Variants in PDE4D observed in about 807,000 individuals in gnomAD.
PDE4D encodes 3',5'-cyclic-AMP phosphodiesterase 4D.
Under a neutral mutation model 87.4 loss-of-function variants are expected in PDE4D, and 24 were observed. The ratio of observed to expected loss-of-function variants is 0.27; its 90% CI spans 0.20 to 0.39. The LOEUF (loss-of-function observed/expected upper bound fraction) is 0.39, where lower values mean the gene tolerates loss of function less well. PDE4D is among the 10% of genes least tolerant of loss of function. The pLI is 1.00. For synonymous variants in PDE4D, 384 were observed against 383.2 expected, an observed-to-expected ratio of 1.00 and a Z score of -0.02; for missense variants, 714 against 1,041.0, an observed-to-expected ratio of 0.69 and a Z score of 4.32.
Position 58,975,744 on chromosome 5 carries a change from G to C in PDE4D, c.1926C>G (p.Phe642Leu). Residue 642 changes from phenylalanine (F) to leucine (L), a missense_variant, in exon 14 of 15, where the codon TTC becomes TTG. Around this residue, in one of 7 missense-constraint regions of PDE4D, gnomAD observed 97 missense variants for 176.9 expected, o/e 0.55. Transcript: ENST00000340635. The surrounding 1 kb of genome is among the most constrained non-coding windows in gnomAD (Gnocchi z 4.2). ...RQWTDRIMEEFFRQGDRERER... is the reference protein window; with the variant it reads ...RQWTDRIMEELFRQGDRERER... ...CCCTCTCTCGGTCTCCTTGGCGGAAGAACTCCTCCATTATCCGGTCCGTCC... is the reference window on the plus strand; with the variant it reads ...CCCTCTCTCGGTCTCCTTGGCGGAACAACTCCTCCATTATCCGGTCCGTCC... 1 of 1,613,350 alleles carries C rather than the reference G, an allele frequency of 6.2e-7. No individual in the cohort carries two copies.
At chr5:59,457,238 G>A (rs371815276) in intron 1 of PDE4D, among the ~76,000 whole-genome samples, 10 of 152,284 alleles carry the variant, frequency 6.6e-5, no homozygotes, top group South Asian at 4.1e-4. Context: ...TTCAGCAACC[G>A]CCACCCTGAT....
At chr5:59,297,782 T>A (rs1440756370) in intron 1 of PDE4D, among the ~76,000 whole-genome samples, 2 of 152,124 alleles carry the variant, frequency 1.3e-5, no homozygotes, top group Non-Finnish European at 1.5e-5. Context: ...GGCTGGATAG[T>A]CAGAGAATGT....
intron 1 of PDE4D, among the ~76,000 whole-genome samples, chr5:59,604,834 T>A (rs2150044327): frequency 6.6e-6 from 1 of 152,152 alleles, no homozygotes; most frequent in South Asian, 2.1e-4. Context: ...AGGAGAGACA[T>A]TTTGGAGTAC....
At chr5:58,984,083 G>C (rs1460591191) in intron 11 of PDE4D, among the ~76,000 whole-genome samples, 1 of 152,070 alleles carries the variant, frequency 6.6e-6, no homozygotes, top group East Asian at 1.9e-4. Context: ...CCTTGAGTTA[G>C]TTAGAAAATG....
intron 3 of PDE4D, among the ~76,000 whole-genome samples, chr5:59,919,570 T>C (rs1754443347): frequency 1.3e-5 from 2 of 152,196 alleles, no homozygotes; most frequent in African/African-American, 4.8e-5. Context: ...CTAAAAGCCA[T>C]ATCTGACATT....
At chr5:59,911,921 A>T (rs1396921436) in intron 3 of PDE4D, among the ~76,000 whole-genome samples, 1 of 152,168 alleles carries the variant, frequency 6.6e-6, no homozygotes, top group Non-Finnish European at 1.5e-5. Context: ...TAAATGGATA[A>T]TTTATTTTTT....
Position 58,972,988 on chromosome 5 carries a change from C to CT in PDE4D, c.*1675dup, listed in dbSNP as rs2153297434. The CT allele has an allele frequency of 6.6e-6, 1 of 152,272 alleles. No individual in the cohort carries two copies. Among genetic ancestry groups the CT allele is most frequent in the South Asian group, 2.1e-4 (1 of 4,826 alleles). The allele number at this position is 152,272 out of a possible 1,614,324, so 9.4% of individuals were successfully genotyped here. ...AAGTAGTTCCCCTCTGCAAGATATG[C>CT]TTATGGATCGAGGATAAGTGATAAA... On this transcript the variant is annotated 3_prime_UTR_variant, in exon 15 of 15. Coordinates refer to ENST00000340635, the MANE Select transcript of PDE4D (RefSeq NM_001104631.2).
At chr5:59,611,846 T>C (rs1281929867) in intron 1 of PDE4D, among the ~76,000 whole-genome samples, 2 of 152,158 alleles carry the variant, frequency 1.3e-5, no homozygotes, top group Admixed American at 1.3e-4. Flanking sequence ...GTTTTGATAA[T>C]ATAGCAGCCA....
intron 2 of PDE4D, among the ~76,000 whole-genome samples, chr5:60,073,350 T>C (rs1379936804): frequency 6.6e-6 from 1 of 152,084 alleles, no homozygotes; most frequent in Non-Finnish European, 1.5e-5. Flanking sequence ...TTGCCTCCCA[T>C]GGGTAAAGCC....
chr5:59,442,931 C>A (rs1167173676), intron 1 of PDE4D, among the ~76,000 whole-genome samples: 1 of 152,130 alleles, frequency 6.6e-6, no homozygotes, highest in East Asian at 1.9e-4. Flanking sequence ...CTCTTTTTAA[C>A]CTTTTCCCAC....
chr5:59,971,414 G>A (rs1276986409), intron 3 of PDE4D, among the ~76,000 whole-genome samples: 2 of 151,034 alleles, frequency 1.3e-5, no homozygotes, highest in Admixed American at 6.6e-5. Flanking sequence ...GGGAAACAGA[G>A]AGGAAGAGAC....
chr5:60,020,558 G>C (rs900430781), intron 2 of PDE4D, among the ~76,000 whole-genome samples: 3 of 152,046 alleles, frequency 2.0e-5, no homozygotes, highest in Non-Finnish European at 4.4e-5. Flanking sequence ...CAGCCTATTG[G>C]TTCTATTTCT....
At chr5:60,103,287 C>A (rs1039745209) in intron 2 of PDE4D, among the ~76,000 whole-genome samples, 1 of 152,166 alleles carries the variant, frequency 6.6e-6, no homozygotes, top group Non-Finnish European at 1.5e-5. Flanking sequence ...GGGCTCCTCT[C>A]TGCTTTTGGG....
chr5:59,877,653 C>T (rs1748808631), intron 1 of PDE4D, among the ~76,000 whole-genome samples: 1 of 151,442 alleles, frequency 6.6e-6, no homozygotes, highest in Non-Finnish European at 1.5e-5. Context: ...TTCATCTCCA[C>T]AAAAAAATAC....
At chr5:59,879,750 T>G (rs1228767036) in intron 1 of PDE4D, among the ~76,000 whole-genome samples, 1 of 152,212 alleles carries the variant, frequency 6.6e-6, no homozygotes, top group Non-Finnish European at 1.5e-5. Context: ...GTTTTTTTGT[T>G]GTTTTTTGAG....
At chr5:59,607,947 G>C (rs1212151378) in intron 1 of PDE4D, among the ~76,000 whole-genome samples, 1 of 152,100 alleles carries the variant, frequency 6.6e-6, no homozygotes, top group Non-Finnish European at 1.5e-5. Context: ...AGGTAGGGAA[G>C]AGTGCCTAGT....
At chr5:59,271,081 C>T (rs1763741049) in intron 1 of PDE4D, among the ~76,000 whole-genome samples, 1 of 151,170 alleles carries the variant, frequency 6.6e-6, no homozygotes, top group Non-Finnish European at 1.5e-5. Context: ...GCTCTGTCAC[C>T]CAGGCTGGAG....
upstream of PDE4D, among the ~76,000 whole-genome samples, chr5:59,896,830 C>A (rs568427127): frequency 6.6e-6 from 1 of 152,262 alleles, no homozygotes; most frequent in African/African-American, 2.4e-5. Flanking sequence ...TCTTATACTG[C>A]TGAATATTGA....
At chr5:59,875,301 A>G (rs1451266542) in intron 1 of PDE4D, among the ~76,000 whole-genome samples, 15 of 151,732 alleles carry the variant, frequency 9.9e-5, no homozygotes, top group Non-Finnish European at 1.5e-5. Flanking sequence ...CTCTACTAGA[A>G]ATAACAAAAA....
Sources: gnomAD v4.1 joint callset for allele counts (sites outside exome capture counted in the v4.1 genomes callset) on GRCh38, gnomAD v4.1.1 for gene constraint, gnomAD v4.1.1 regional missense constraint, Gnocchi (gnomAD v3.1) non-coding constraint, MANE v1.5 for transcripts, NCBI Gene and HGNC (gene_info 2026-07-23, HGNC 2026-07-21) for gene names.